The following RIPOR3 variants were observed in gnomAD, a reference collection of about 807,000 sequenced individuals.
RIPOR3 encodes RIPOR family member 3, also known as family with sequence similarity 65 member C.
Under a neutral mutation model 114.3 loss-of-function variants are expected in RIPOR3, and 95 were observed. The ratio of observed to expected loss-of-function variants is 0.83; its 90% CI spans 0.70 to 0.99. The LOEUF is 0.99. Among genes scored for constraint, RIPOR3 ranks in the 50% least tolerant of loss-of-function variants. RIPOR3 has a pLI of 0.00. For synonymous variants in RIPOR3, 575 were observed against 543.8 expected (o/e 1.06, Z -0.80); for missense variants, 1,252 against 1,266.9 (o/e 0.99, Z 0.18).
chr20:50,646,993 G>A (rs763556021), intron 1 of RIPOR3, among the ~76,000 whole-genome samples: 25 of 152,102 alleles, frequency 1.6e-4, no homozygotes, highest in Non-Finnish European at 2.8e-4. Flanking sequence ...GTTCCCATAA[G>A]AAAAAGGACA....
chr20:50,596,076 C>A, intron 15 of RIPOR3, 64 bp downstream of exon 15: 2 of 1,604,912 alleles, frequency 1.2e-6, no homozygotes, highest in Middle Eastern at 1.7e-4. Flanking sequence ...TCAAGATGAG[C>A]CTTTGCAAAG....
At chr20:50,634,499 G>A (rs2084920266) in intron 1 of RIPOR3, among the ~76,000 whole-genome samples, 1 of 152,072 alleles carries the variant, frequency 6.6e-6, no homozygotes, top group African/African-American at 2.4e-5. Flanking sequence ...ATGGTGACTT[G>A]TCTATCTCTC....
At chr20:50,685,478 G>C (rs1271746568) in intron 1 of RIPOR3, among the ~76,000 whole-genome samples, 5 of 151,166 alleles carry the variant, frequency 3.3e-5, no homozygotes, top group African/African-American at 9.7e-5. Context: ...GCCTCCCAAA[G>C]TGCTGGGATT....
At chr20:50,631,426 C>T (rs866103481) in intron 1 of RIPOR3, among the ~76,000 whole-genome samples, 2 of 152,094 alleles carry the variant, frequency 1.3e-5, no homozygotes, top group African/African-American at 2.4e-5. Context: ...TGTCTAAGGC[C>T]GAGGGAACAG....
At chr20:50,689,729 G>A (rs188941859) in intron 1 of RIPOR3, among the ~76,000 whole-genome samples, 54 of 152,220 alleles carry the variant, frequency 3.5e-4, no homozygotes, top group Non-Finnish European at 6.5e-4. Context: ...ACCTGGGACT[G>A]GGGGGGCTTC....
In RIPOR3 at chr20:50,597,680, C is replaced by T. The variant is rs763594030; in HGVS notation, c.1690G>A (p.Ala564Thr). Residue 564 changes from alanine to threonine, a missense_variant, in exon 14 of 22, where the codon GCC becomes ACC. Coordinates refer to ENST00000327979, the MANE Select transcript of RIPOR3 (RefSeq NM_001290268.2). ...PCRARQEHTS[A>T]ESLMECILES... is the part of the protein sequence containing the mutation. ...AGGATGCACTCCATCAGGCTCTCGG[C>T]CGAGGTGTGCTCCTGCCGTGCTCTG... 1 of 1,611,930 alleles carries T rather than the reference C, an allele frequency of 6.2e-7. No individual in the cohort carries two copies. The highest frequency in any genetic ancestry group is 8.5e-7 in the Non-Finnish European group (1 of 1,179,186).
Position 50,666,234 on chromosome 20 carries a change from GGAGTCACGCTCTGTTGCCCA to G in RIPOR3, c.3+24872_3+24891del, listed in dbSNP as rs550621744. Among the ~76,000 whole-genome samples, 109 of 11,734 alleles carry G rather than the reference GGAGTCACGCTCTGTTGCCCA, an allele frequency of 9.3e-3. 1 individual carries two copies. The highest frequency in any genetic ancestry group is 0.049 in the East Asian group (4 of 82). The allele number at this position is 11,734 out of a possible 152,430, so 7.7% of individuals were successfully genotyped here. ...TTTCTTTTCTTTTCTTTTTTGAGAC[GGAGTCACGCTCTGTTGCCCA>G]GAGTCACGCTCTGTTGCTGGAGTGC... On this transcript the variant is annotated intron_variant, in intron 1 of 21. Transcript: ENST00000327979.
chr20:50,592,371 T>C lies in RIPOR3; in HGVS notation c.2550A>G (p.Ala850=), dbSNP rs1364115068. ...CRAASARLAG[A]VRNRSFREKA... is the part of the protein sequence containing the mutation. ...TTTCCCGGAAGCTTCTGTTCCTGAC[T>C]GCACCAGCCAGGCGAGCGCTGGCCG... The change falls in exon 19 of 22, where the codon GCA becomes GCG. Residue 850 remains alanine (A), a synonymous_variant. Transcript: ENST00000327979. The C allele has an allele frequency of 6.3e-7, 1 of 1,599,660 alleles. No individual in the cohort carries two copies. The highest frequency in any genetic ancestry group is 1.1e-5 in the South Asian group (1 of 90,000).
chr20:50,604,901 G>A (rs2083649279), intron 11 of RIPOR3, 127 bp from the exon 12 acceptor site: 1 of 1,154,762 alleles, frequency 8.7e-7, no homozygotes, highest in Non-Finnish European at 1.2e-6. Flanking sequence ...TAGCATGGAT[G>A]GTGTGTGAGG....
chr20:50,608,433 G>C lies in RIPOR3; in HGVS notation c.912C>G (p.Ile304Met), dbSNP rs752760971. The change falls in exon 11 of 22, where the codon ATC becomes ATG. Residue 304 changes from isoleucine to methionine, a missense_variant. Ile to Met is a conservative substitution (Grantham distance 10). Coordinates refer to ENST00000327979, the MANE Select transcript of RIPOR3 (RefSeq NM_001290268.2). Reference sequence around the variant, plus strand: ...GCAGCTTGATGGTACCCAACTCCGTGATGTCCACCACGATGACCTGCGGCC... The same window carrying C: ...GCAGCTTGATGGTACCCAACTCCGTCATGTCCACCACGATGACCTGCGGCC... ...TTRPQVIVVD[I>M]TELGTIKLQL... 1 of 1,614,024 alleles carries C rather than the reference G, an allele frequency of 6.2e-7. No homozygotes were observed. Among genetic ancestry groups the C allele is most frequent in the Non-Finnish European group, 8.5e-7 (1 of 1,179,958 alleles).
chr20:50,596,639 G>A (rs1025600707), intron 14 of RIPOR3, among the ~76,000 whole-genome samples: 2 of 152,220 alleles, frequency 1.3e-5, no homozygotes, highest in African/African-American at 4.8e-5. Flanking sequence ...ATGAAATACG[G>A]TGGGCAAGAG....
intron 13 of RIPOR3, among the ~76,000 whole-genome samples, chr20:50,598,179 A>C (rs1451485224): frequency 6.6e-6 from 1 of 152,188 alleles, no homozygotes; most frequent in Non-Finnish European, 1.5e-5. Context: ...TTTTAAATAC[A>C]TGGTGTAGGT....
At chr20:50,624,075 G>T (rs1568882215) in intron 2 of RIPOR3, among the ~76,000 whole-genome samples, 2 of 152,210 alleles carry the variant, frequency 1.3e-5, no homozygotes, top group African/African-American at 4.8e-5. Flanking sequence ...GACCTCAGGT[G>T]ATCTGCCCGC....
At chr20:50,592,905 A>T in intron 18 of RIPOR3, 130 bp downstream of exon 18, 1 of 1,211,946 alleles carries the variant, frequency 8.3e-7, no homozygotes, top group Non-Finnish European at 1.2e-6. Context: ...GAATCTCATT[A>T]AATCGGGGTT....
At chr20:50,644,738 T>C (rs1159524045) in intron 1 of RIPOR3, among the ~76,000 whole-genome samples, 2 of 144,688 alleles carry the variant, frequency 1.4e-5, no homozygotes, top group Admixed American at 1.4e-4. Context: ...CCCAGACTAT[T>C]CTCAAACTCC....
chr20:50,639,412 A>AGTG (rs1245199231), intron 1 of RIPOR3, among the ~76,000 whole-genome samples: 5 of 152,040 alleles, frequency 3.3e-5, no homozygotes, highest in African/African-American at 4.8e-5. Context: ...CCTCTTTCTA[A>AGTG]ACCCCGGACA....
At chr20:50,590,656 A>T (rs994001805) in intron 19 of RIPOR3, among the ~76,000 whole-genome samples, 1 of 152,102 alleles carries the variant, frequency 6.6e-6, no homozygotes, top group Non-Finnish European at 1.5e-5. Context: ...TCGGTGTGGA[A>T]ATGTCACACT....
chr20:50,663,019 C>G (rs988978141), intron 1 of RIPOR3, among the ~76,000 whole-genome samples: 1 of 151,148 alleles, frequency 6.6e-6, no homozygotes, highest in Middle Eastern at 3.4e-3. Flanking sequence ...ATCACTTGAA[C>G]CGGGGAGGTG....
intron 1 of RIPOR3, among the ~76,000 whole-genome samples, chr20:50,678,625 A>G (rs1173272266): frequency 6.6e-6 from 1 of 152,232 alleles, no homozygotes. Flanking sequence ...TCTCACGTCC[A>G]TCATCAGGGG....
Sources: allele counts gnomAD v4.1 joint callset (sites outside exome capture counted in the v4.1 genomes callset), GRCh38; gene constraint gnomAD v4.1.1; transcripts MANE v1.5; gene names NCBI Gene and HGNC (gene_info 2026-07-23, HGNC 2026-07-21).